The following MTHFD2L variants were observed in gnomAD, a reference collection of about 807,000 sequenced individuals.
MTHFD2L encodes methylenetetrahydrofolate dehydrogenase (NADP+ dependent) 2 like.
Under a neutral mutation model 34.9 loss-of-function variants are expected in MTHFD2L, and 29 were observed. That is an observed-to-expected ratio of 0.83 (90% CI 0.62 to 1.13). MTHFD2L has a LOEUF of 1.13. MTHFD2L is among the 50% of genes most tolerant of loss of function. MTHFD2L has a pLI of 0.00. For synonymous variants in MTHFD2L, 167 were observed against 155.7 expected, an observed-to-expected ratio of 1.07 and a Z score of -0.54; for missense variants, 481 against 446.5, an observed-to-expected ratio of 1.08 and a Z score of -0.70.
intron 1 of MTHFD2L, among the ~76,000 whole-genome samples, chr4:74,171,119 A>G (rs1258534192): frequency 3.3e-5 from 5 of 152,158 alleles, no homozygotes; most frequent in African/African-American, 4.8e-5. Context: ...CCTAAAACTT[A>G]AAGTATAATA....
intron 6 of MTHFD2L, among the ~76,000 whole-genome samples, chr4:74,225,862 G>C (rs913248203): frequency 2.0e-5 from 3 of 152,124 alleles, no homozygotes; most frequent in African/African-American, 7.2e-5. Flanking sequence ...TAGGGGAAAA[G>C]TTGATGGATG....
chr4:74,295,826 A>G (rs1179068549), intron 7 of MTHFD2L, among the ~76,000 whole-genome samples: 1 of 151,944 alleles, frequency 6.6e-6, no homozygotes. Flanking sequence ...TGCCACCTTT[A>G]TCACATTGTC....
rs182104503 is a variant in MTHFD2L, at chr4:74,220,022, C to G, written c.713-5280C>G. Among the ~76,000 whole-genome samples the G allele has an allele frequency of 3.5e-3, 527 of 151,618 alleles. 3 individuals carry two copies. Among genetic ancestry groups the G allele is most frequent in the Non-Finnish European group, 6.3e-3 (431 of 67,904 alleles). ...GTGTACAAATCACTGGATTTCATGT[C>G]TCTGTCAAATTCTTGATGAAATAAT... On this transcript the variant is annotated intron_variant, in intron 5 of 7. Transcript: ENST00000325278.
chr4:74,136,713 G>GA (rs1202274731), intron 1 of MTHFD2L, among the ~76,000 whole-genome samples: 1 of 152,074 alleles, frequency 6.6e-6, no homozygotes, highest in African/African-American at 2.4e-5. Flanking sequence ...CACACTACCT[G>GA]ACTTCAAATC....
chr4:74,172,040 T>C (rs1045606136), intron 1 of MTHFD2L, among the ~76,000 whole-genome samples: 2 of 152,192 alleles, frequency 1.3e-5, no homozygotes, highest in African/African-American at 4.8e-5. Context: ...AAAATAATTA[T>C]GCTGAGTGGA....
intron 3 of MTHFD2L, among the ~76,000 whole-genome samples, chr4:74,179,791 T>C (rs750908348): frequency 3.3e-5 from 5 of 152,132 alleles, no homozygotes; most frequent in Admixed American, 6.6e-5. Flanking sequence ...ATCTTTAACA[T>C]AGATTAAAAG....
intron 1 of MTHFD2L, among the ~76,000 whole-genome samples, chr4:74,134,577 C>G (rs930272870): frequency 1.3e-5 from 2 of 152,070 alleles, no homozygotes; most frequent in Admixed American, 6.6e-5. Context: ...TGTATACCCA[C>G]AAGAAACAAC....
intron 7 of MTHFD2L, among the ~76,000 whole-genome samples, chr4:74,291,003 C>CTTTTTGTTTTTTTTTTTTTTTTTTTTTT (rs1748853489): frequency 3.4e-5 from 1 of 29,272 alleles, no homozygotes; most frequent in African/African-American, 1.1e-4. Context: ...TTTTCCTTTT[C>CTTTTTGTTTTTTTTTTTTTTTTTTTTTT]TTTTTTTTTT....
chr4:74,291,639 C>T (rs1387121558), intron 7 of MTHFD2L, among the ~76,000 whole-genome samples: 1 of 152,064 alleles, frequency 6.6e-6, no homozygotes, highest in Non-Finnish European at 1.5e-5. Context: ...AATAAAGTGC[C>T]TGGAATTTAT....
chr4:74,189,694 A>G (rs187403344), intron 3 of MTHFD2L, among the ~76,000 whole-genome samples: 1 of 152,166 alleles, frequency 6.6e-6, no homozygotes, highest in Admixed American at 6.5e-5. Flanking sequence ...AACAGTTATT[A>G]TCAAAAATTT....
chr4:74,160,452 T>C (rs1725187315), intron 1 of MTHFD2L: 1 of 158,166 alleles, frequency 6.3e-6, no homozygotes, highest in Non-Finnish European at 1.4e-5. Flanking sequence ...ATTTCAATAA[T>C]TAATGTTTGA....
chr4:74,175,484 C>T lies in MTHFD2L; in HGVS notation c.451+81C>T. 2 of 1,348,842 alleles carry T rather than the reference C, an allele frequency of 1.5e-6. 1 individual carries two copies. The highest frequency in any genetic ancestry group is 2.8e-5 in the South Asian group (2 of 70,582). The allele number at this position is 1,348,842 out of a possible 1,614,324, so 83.6% of individuals were successfully genotyped here. ...CTTTCAACATCATATTATGATACTGCAAGTAATTTATAAAATACATTCAGA... is the reference window on the plus strand; with the variant it reads ...CTTTCAACATCATATTATGATACTGTAAGTAATTTATAAAATACATTCAGA... On this transcript the variant is annotated intron_variant, in intron 3 of 7. Coordinates refer to ENST00000325278, the MANE Select transcript of MTHFD2L (RefSeq NM_001144978.3).
chr4:74,157,273 T>A (rs558081797), upstream of MTHFD2L: 1 of 204,610 alleles, frequency 4.9e-6, no homozygotes, highest in Non-Finnish European at 1.0e-5. Flanking sequence ...TCAGTAAAAG[T>A]GCAGCTATGA....
chr4:74,120,155 A>G (rs1205438678), upstream of MTHFD2L, among the ~76,000 whole-genome samples: 1 of 152,210 alleles, frequency 6.6e-6, no homozygotes, highest in East Asian at 1.9e-4. Flanking sequence ...CTAAGGGTAT[A>G]TGTCATGAAC....
upstream of MTHFD2L, chr4:74,157,053 C>G (rs1472250589): frequency 6.6e-6 from 1 of 151,820 alleles, no homozygotes; most frequent in African/African-American, 2.4e-5. Context: ...TTGTTTTTTT[C>G]TTTTATGAAT....
chr4:74,227,560 T>G (rs1560508776), intron 6 of MTHFD2L, among the ~76,000 whole-genome samples: 1 of 151,744 alleles, frequency 6.6e-6, no homozygotes, highest in African/African-American at 2.4e-5. Context: ...GGAGCATGCT[T>G]GATGTATTCC....
chr4:74,162,817 A>G (rs1410445364), intron 1 of MTHFD2L, among the ~76,000 whole-genome samples: 1 of 152,188 alleles, frequency 6.6e-6, no homozygotes, highest in African/African-American at 2.4e-5. Context: ...TTGAACCCAC[A>G]TCATCTTTCC....
intron 6 of MTHFD2L, among the ~76,000 whole-genome samples, chr4:74,258,535 A>G (rs1184245004): frequency 6.6e-6 from 1 of 152,096 alleles, no homozygotes; most frequent in East Asian, 1.9e-4. Flanking sequence ...ACAAGGGCTG[A>G]CTTTATATGA....
intron 6 of MTHFD2L, among the ~76,000 whole-genome samples, chr4:74,234,795 C>CTGTGTG (rs576512591): frequency 4.4e-5 from 5 of 113,662 alleles, no homozygotes; most frequent in African/African-American, 1.5e-4. Flanking sequence ...GAAAAGGAGA[C>CTGTGTG]AGTGTGTGTG....
Sources: allele counts gnomAD v4.1 joint callset (sites outside exome capture counted in the v4.1 genomes callset), GRCh38; gene constraint gnomAD v4.1.1; transcripts MANE v1.5; gene names NCBI Gene and HGNC (gene_info 2026-07-23, HGNC 2026-07-21).